The following LRP2 variants were observed in gnomAD, a reference collection of about 807,000 sequenced individuals.
LRP2 encodes the protein low-density lipoprotein receptor-related protein 2.
LRP2 carries 172 observed loss-of-function variants against 531.0 expected under a neutral mutation model. That is an observed-to-expected ratio of 0.32 (90% CI 0.29 to 0.37). LRP2 has a LOEUF of 0.37. Ranked by LOEUF, LRP2 falls within the 10% of genes least tolerant of loss-of-function variation. The pLI is 1.00. For synonymous variants in LRP2, 1,992 were observed against 2,027.6 expected, an observed-to-expected ratio of 0.98 and a Z score of 0.47; for missense variants, 5,167 against 5,868.3, an observed-to-expected ratio of 0.88 and a Z score of 3.90.
intron 58 of LRP2, 79 bp from the exon 59 acceptor site, chr2:169,170,746 C>T (rs1686967185): frequency 3.0e-6 from 3 of 990,638 alleles, no homozygotes; most frequent in Non-Finnish European, 4.9e-6. Flanking sequence ...GACCATAGTG[C>T]CCTGGGTGCC....
intron 46 of LRP2, among the ~76,000 whole-genome samples, chr2:169,194,292 T>C (rs1000282605): frequency 6.6e-6 from 1 of 152,128 alleles, no homozygotes; most frequent in Non-Finnish European, 1.5e-5. Context: ...CCCGCTTCCT[T>C]GCTCCCTTTC....
chr2:169,140,522 G>A lies in LRP2; in HGVS notation c.13132C>T (p.Pro4378Ser), dbSNP rs1685682690. 6.2e-7 allele frequency: 1 copy of A among 1,613,888 alleles called. No individual in the cohort carries two copies. The highest frequency in any genetic ancestry group is 2.2e-5 in the East Asian group (1 of 44,870). ...CCGTGCATGCACCTGCATGGGGGGG[G>A]CAGGTTGATAGGCAGTTCGATGGCT... ...DAAIELPINL[P>S]PPCRCMHGGN... is the part of the protein sequence containing the mutation. The change falls in exon 72 of 79, where the codon CCC becomes TCC. Residue 4378 changes from proline to serine, a missense_variant. Physicochemically the swap from Pro to Ser is moderately conservative, Grantham distance 74. Coordinates refer to ENST00000649046, the MANE Select transcript of LRP2 (RefSeq NM_004525.3).
intron 49 of LRP2, 89 bp downstream of exon 49, chr2:169,187,881 G>T: frequency 1.5e-6 from 2 of 1,348,086 alleles, no homozygotes; most frequent in Non-Finnish European, 2.1e-6. Context: ...GTAGTTAGAG[G>T]ACAGGTTGGA....
At chr2:169,177,675 T>C (rs1687249787) in intron 53 of LRP2, 128 bp downstream of exon 53, 1 of 842,324 alleles carries the variant, frequency 1.2e-6, no homozygotes, top group African/African-American at 1.7e-5. Context: ...ACTTTCAGCA[T>C]ATGCTTTGAA....
At chr2:169,308,227 T>C (rs1333562683) in intron 3 of LRP2, among the ~76,000 whole-genome samples, 1 of 152,184 alleles carries the variant, frequency 6.6e-6, no homozygotes, top group African/African-American at 2.4e-5. Flanking sequence ...ATTCCTTTTT[T>C]ATTATTATTA....
At chr2:169,236,546 T>C (rs1242814331) in intron 28 of LRP2, among the ~76,000 whole-genome samples, 1 of 152,052 alleles carries the variant, frequency 6.6e-6, no homozygotes, top group Non-Finnish European at 1.5e-5. Flanking sequence ...TAATTTACCA[T>C]CCTGCAGAAA....
At chr2:169,236,951 G>A (rs1174526596) in intron 28 of LRP2, 152 bp downstream of exon 28, 1 of 676,694 alleles carries the variant, frequency 1.5e-6, no homozygotes, top group Non-Finnish European at 2.7e-6. Flanking sequence ...AGGAGAGATA[G>A]CAACACCCAG....
chr2:169,329,933 G>A lies in LRP2; in HGVS notation c.80-9049C>T, dbSNP rs3770627. On this transcript the variant is annotated intron_variant, in intron 1 of 78. Coordinates refer to ENST00000649046, the MANE Select transcript of LRP2 (RefSeq NM_004525.3). Reference sequence around the variant, plus strand: ...GAGTGAGCATTAGTGCCTGAGCTCCGCCTCCTGTCAGATGAGTGGCTGCAT... The same window carrying A: ...GAGTGAGCATTAGTGCCTGAGCTCCACCTCCTGTCAGATGAGTGGCTGCAT... Among the ~76,000 whole-genome samples the A allele has an allele frequency of 4.6e-5, 7 of 152,330 alleles. No individual in the cohort carries two copies. The East Asian group carries it at 7.7e-4, about 17-fold the overall frequency.
Position 169,213,674 on chromosome 2 carries a change from T to C in LRP2, c.6023A>G (p.Gln2008Arg). ...ATACTTACTGCGTCTGTGATAAACTTGAAGACCCCTCAGATTTGGAACATT... is the reference window on the plus strand; with the variant it reads ...ATACTTACTGCGTCTGTGATAAACTCGAAGACCCCTCAGATTTGGAACATT... ...RDNVPNLRGL[Q>R]VYHRRNAAES... Residue 2008 changes from glutamine (Q) to arginine (R), a missense_variant, in exon 36 of 79, where the codon CAA (glutamine) becomes CGA (arginine). This residue lies in a region of LRP2 where 2,811 missense variants were observed against 3,058.0 expected (regional missense o/e 0.92). Transcript: ENST00000649046. The C allele has an allele frequency of 6.2e-7, 1 of 1,613,012 alleles. No homozygotes were observed. The highest frequency in any genetic ancestry group is 8.5e-7 in the Non-Finnish European group (1 of 1,179,746).
intron 4 of LRP2, among the ~76,000 whole-genome samples, chr2:169,305,463 C>A (rs1490686610): frequency 6.6e-6 from 1 of 152,044 alleles, no homozygotes; most frequent in Non-Finnish European, 1.5e-5. Context: ...ATAAAATAAA[C>A]CATTTGTATC....
In LRP2 at chr2:169,216,316, C is replaced by T; in HGVS notation, c.5763G>A (p.Leu1921=). Residue 1921 remains leucine, a synonymous_variant, in exon 35 of 79, where the codon CTG becomes CTA. Coordinates refer to ENST00000649046, the MANE Select transcript of LRP2 (RefSeq NM_004525.3). ...CTTCGATGTCAAGAGTGACACACTC[C>T]AGGTGTTCGAGGTTCCCAGTAAAGA... ...KTLFTGNLEH[L]ECVTLDIEEQ... is the part of the protein sequence containing the mutation. 6.2e-7 allele frequency: 1 copy of T among 1,613,666 alleles called. No individual in the cohort carries two copies. Among genetic ancestry groups the T allele is most frequent in the Non-Finnish European group, 8.5e-7 (1 of 1,179,698 alleles).
chr2:169,299,135 GAAA>G (rs1684216521), intron 4 of LRP2, among the ~76,000 whole-genome samples: 1 of 64,214 alleles, frequency 1.6e-5, no homozygotes. Context: ...AAGAAAGAAA[GAAA>G]GAAAGAAAGA....
intron 62 of LRP2, among the ~76,000 whole-genome samples, chr2:169,164,042 G>A (rs1388139321): frequency 1.3e-5 from 2 of 150,832 alleles, no homozygotes; most frequent in African/African-American, 4.8e-5. Context: ...AAGTGAAGGT[G>A]GTGCTATTCA....
chr2:169,320,746 A>G, intron 2 of LRP2, 31 bp downstream of exon 2: 1 of 1,562,788 alleles, frequency 6.4e-7, no homozygotes. Context: ...GTTACTCAAA[A>G]TAGAACTTAG....
chr2:169,350,858 C>T (rs947376196), intron 1 of LRP2, among the ~76,000 whole-genome samples: 4 of 151,668 alleles, frequency 2.6e-5, no homozygotes, highest in African/African-American at 9.7e-5. Context: ...TCTTCAGGAA[C>T]AAGATCCATG....
At chr2:169,208,608 C>T (rs1202422174) in intron 38 of LRP2, among the ~76,000 whole-genome samples, 1 of 152,126 alleles carries the variant, frequency 6.6e-6, no homozygotes, top group Non-Finnish European at 1.5e-5. Context: ...AGGCGTACGC[C>T]ACCATGCCTG....
At chr2:169,339,949 C>A (rs1685519233) in intron 1 of LRP2, among the ~76,000 whole-genome samples, 1 of 152,108 alleles carries the variant, frequency 6.6e-6, no homozygotes, top group Non-Finnish European at 1.5e-5. Flanking sequence ...CTCAAAAGCA[C>A]AAACTTATGG....
intron 3 of LRP2, among the ~76,000 whole-genome samples, chr2:169,315,536 A>G (rs989018482): frequency 6.6e-6 from 1 of 152,250 alleles, no homozygotes; most frequent in African/African-American, 2.4e-5. Context: ...AGGACACAGC[A>G]TGGCACACCC....
intron 34 of LRP2, among the ~76,000 whole-genome samples, chr2:169,218,883 A>G (rs1688888554): frequency 6.6e-6 from 1 of 152,148 alleles, no homozygotes; most frequent in African/African-American, 2.4e-5. Context: ...CTGAATGACT[A>G]CGTAGAGTAG....
Sources: gnomAD v4.1 joint callset for allele counts (sites outside exome capture counted in the v4.1 genomes callset) on GRCh38, gnomAD v4.1.1 for gene constraint, gnomAD v4.1.1 regional missense constraint, MANE v1.5 for transcripts, NCBI Gene and HGNC (gene_info 2026-07-23, HGNC 2026-07-21) for gene names.